The following BLOC1S5 variants were observed in gnomAD, a reference collection of about 807,000 sequenced individuals.
The protein encoded by BLOC1S5 is biogenesis of lysosomal organelles complex 1 subunit 5.
Under a neutral mutation model 24.3 loss-of-function variants are expected in BLOC1S5, and 27 were observed. The observed-to-expected ratio is 1.11, with a 90% CI of 0.82 to 1.53. BLOC1S5 has a LOEUF of 1.53. Among genes scored for constraint, BLOC1S5 ranks in the 40% most tolerant of loss-of-function variants. BLOC1S5 has a pLI of 0.00. For missense variants in BLOC1S5, 239 were observed against 229.4 expected (o/e 1.04, Z -0.27); for synonymous variants, 84 against 74.5 (o/e 1.13, Z -0.66).
At chr6:8,064,143 C>G (rs1283551917) in intron 1 of BLOC1S5, 122 bp downstream of exon 1, 3 of 747,374 alleles carry the variant, frequency 4.0e-6, no homozygotes, top group Non-Finnish European at 2.1e-6. Context: ...ACGACTCCCC[C>G]ACCCGCACAA....
chr6:8,033,780 AAG>A (rs1480519169), intron 3 of BLOC1S5, among the ~76,000 whole-genome samples: 2 of 151,310 alleles, frequency 1.3e-5, no homozygotes, highest in African/African-American at 4.9e-5. Flanking sequence ...AAAAATTTAC[AAG>A]AGAAAAACAA....
intron 3 of BLOC1S5, among the ~76,000 whole-genome samples, chr6:8,035,580 A>T (rs181202845): frequency 4.3e-4 from 65 of 152,330 alleles, no homozygotes; most frequent in African/African-American, 1.5e-3. Context: ...AAAGAGCAGG[A>T]GTAACTATAC....
chr6:8,047,160 T>TCTCTCTCACACACA (rs1475934039), intron 2 of BLOC1S5, among the ~76,000 whole-genome samples: 10 of 126,948 alleles, frequency 7.9e-5, no homozygotes, highest in African/African-American at 3.1e-4. Context: ...TCTCTCTCTC[T>TCTCTCTCACACACA]CACACACACA....
At position 8,043,832 on chromosome 6, in the gene BLOC1S5, C is replaced by T. The variant is rs1581420069; in HGVS notation, c.196-2564G>A. On this transcript the variant is annotated intron_variant, in intron 2 of 4. Coordinates refer to ENST00000397457, the MANE Select transcript of BLOC1S5 (RefSeq NM_201280.3). Reference sequence around the variant, plus strand: ...AACTTGAATTGTATCTCCCAGAATTCCCACATGTTGTGGGAGGGACCTAGG... The same window carrying T: ...AACTTGAATTGTATCTCCCAGAATTTCCACATGTTGTGGGAGGGACCTAGG... Among the ~76,000 whole-genome samples the T allele has an allele frequency of 1.3e-5, 2 of 152,120 alleles. 1 individual carries two copies. The highest frequency in any genetic ancestry group is 4.1e-4 in the South Asian group (2 of 4,826).
At chr6:8,041,400 C>T in intron 2 of BLOC1S5, 132 bp from the exon 3 acceptor site, 1 of 849,626 alleles carries the variant, frequency 1.2e-6, no homozygotes. Context: ...GCAACCTCCG[C>T]CTCCTGGGTT....
intron 2 of BLOC1S5, among the ~76,000 whole-genome samples, chr6:8,050,444 C>G (rs942224237): frequency 1.3e-5 from 2 of 152,094 alleles, no homozygotes; most frequent in African/African-American, 4.8e-5. Context: ...CACATGGCCT[C>G]TAAGTGTTCA....
At chr6:8,062,652 G>T in intron 1 of BLOC1S5, 36 bp from the exon 2 acceptor site, 1 of 1,371,848 alleles carries the variant, frequency 7.3e-7, no homozygotes, top group Non-Finnish European at 1.0e-6. Context: ...GTTAATCCAT[G>T]CTAAATGGCA....
chr6:8,053,898 TTTACACTAACA>T (rs1362284908), intron 2 of BLOC1S5, among the ~76,000 whole-genome samples: 1 of 152,070 alleles, frequency 6.6e-6, no homozygotes, highest in Non-Finnish European at 1.5e-5. Context: ...CACAGTTATG[TTTACACTAACA>T]CAGATCAAGG....
intron 3 of BLOC1S5, among the ~76,000 whole-genome samples, chr6:8,029,232 C>T (rs1166108209): frequency 1.3e-5 from 2 of 152,120 alleles, no homozygotes; most frequent in African/African-American, 2.4e-5. Context: ...TATACAGTGC[C>T]GGCAATACCC....
intron 2 of BLOC1S5, among the ~76,000 whole-genome samples, chr6:8,046,540 T>G (rs997232431): frequency 7.2e-5 from 11 of 152,090 alleles, no homozygotes; most frequent in South Asian, 6.2e-4. Context: ...ATAAGGCCAG[T>G]TTCTGACTTT....
chr6:8,048,186 T>C (rs959164673), intron 2 of BLOC1S5, among the ~76,000 whole-genome samples: 1 of 152,234 alleles, frequency 6.6e-6, no homozygotes, highest in Admixed American at 6.5e-5. Flanking sequence ...TGGGAGCCTA[T>C]TCAAGCTGGC....
chr6:8,051,976 T>TTC (rs1304721389), intron 2 of BLOC1S5, among the ~76,000 whole-genome samples: 1 of 148,268 alleles, frequency 6.7e-6, no homozygotes, highest in East Asian at 2.0e-4. Flanking sequence ...TGCCTTTTTT[T>TTC]TTTTTTTTTT....
chr6:8,026,217 C>T (rs892833242), intron 4 of BLOC1S5, 150 bp downstream of exon 4: 6 of 586,060 alleles, frequency 1.0e-5, no homozygotes, highest in African/African-American at 9.5e-5. Flanking sequence ...GGTATGACCA[C>T]ACCTCCTCAA....
At chr6:8,064,139 C>A in intron 1 of BLOC1S5, 126 bp downstream of exon 1, 1 of 709,028 alleles carries the variant, frequency 1.4e-6, no homozygotes, top group Non-Finnish European at 2.2e-6. Flanking sequence ...GACCACGACT[C>A]CCCCACCCGC....
chr6:8,039,121 AATCCCATCATCTGC>A (rs576595077), intron 3 of BLOC1S5, among the ~76,000 whole-genome samples: 101 of 152,236 alleles, frequency 6.6e-4, no homozygotes, highest in Admixed American at 1.5e-3. Context: ...AAATGAATGA[AATCCCATCATCTGC>A]AGCCACATGG....
rs555977759 is a variant in BLOC1S5, at chr6:8,033,404, C to T, written c.326-6979G>A. On this transcript the variant is annotated intron_variant, in intron 3 of 4. Coordinates refer to ENST00000397457, the MANE Select transcript of BLOC1S5 (RefSeq NM_201280.3). Reference sequence around the variant, plus strand: ...AGGATTCCCTATTTAATAAATGGTGCTGGGAAAACTGGCTAGCCATATGTA... The same window carrying T: ...AGGATTCCCTATTTAATAAATGGTGTTGGGAAAACTGGCTAGCCATATGTA... Among the ~76,000 whole-genome samples, 41 of 152,178 alleles carry T rather than the reference C, an allele frequency of 2.7e-4. No homozygotes were observed. In the South Asian group the frequency reaches 7.5e-3, roughly 28 times the overall value.
intron 2 of BLOC1S5, among the ~76,000 whole-genome samples, chr6:8,058,601 G>A (rs904153067): frequency 6.6e-6 from 1 of 152,126 alleles, no homozygotes; most frequent in Non-Finnish European, 1.5e-5. Flanking sequence ...GAAGTAAGAA[G>A]ACTGCTTGAA....
At chr6:8,028,960 T>C (rs138555067) in intron 3 of BLOC1S5, among the ~76,000 whole-genome samples, 261 of 152,014 alleles carry the variant, frequency 1.7e-3, no homozygotes, top group African/African-American at 6.1e-3. Context: ...GGAGACTATA[T>C]TGACTTAAAA....
intron 2 of BLOC1S5, among the ~76,000 whole-genome samples, chr6:8,059,449 C>T (rs1764441142): frequency 6.6e-6 from 1 of 152,170 alleles, no homozygotes; most frequent in Admixed American, 6.5e-5. Context: ...GTTTTAAGTG[C>T]TAGCCAGTTT....
Sources: gnomAD v4.1 joint callset for allele counts (sites outside exome capture counted in the v4.1 genomes callset) on GRCh38, gnomAD v4.1.1 for gene constraint, MANE v1.5 for transcripts, NCBI Gene and HGNC (gene_info 2026-07-23, HGNC 2026-07-21) for gene names.